The following COL1A2 variants were observed in gnomAD, a reference collection of about 807,000 sequenced individuals.
COL1A2 encodes collagen type I alpha 2 chain, also known as collagen alpha-2(I) chain.
In COL1A2, 49 loss-of-function variants were observed where a neutral mutation model predicts 174.3. The observed-to-expected ratio is 0.28, with a 90% CI of 0.22 to 0.36. COL1A2 has a LOEUF of 0.36. Ranked by LOEUF, COL1A2 falls within the 10% of genes least tolerant of loss-of-function variation. COL1A2 has a pLI of 1.00. For missense variants in COL1A2, 1,438 were observed against 1,822.7 expected (o/e 0.79, Z 3.84); for synonymous variants, 655 against 606.6 (o/e 1.08, Z -1.17).
chr7:94,401,538 T>C (rs576552691), intron 5 of COL1A2, 29 bp from the exon 6 acceptor site: 85 of 1,079,160 alleles, frequency 7.9e-5, no homozygotes, highest in Non-Finnish European at 9.9e-5. Flanking sequence ...TTTATATATA[T>C]ATATAATTTT....
At chr7:94,403,190 C>T (rs1431110865) in intron 6 of COL1A2, among the ~76,000 whole-genome samples, 1 of 152,112 alleles carries the variant, frequency 6.6e-6, no homozygotes, top group Admixed American at 6.5e-5. Flanking sequence ...TTCAGATACC[C>T]CTGTTTTCGG....
intron 38 of COL1A2, chr7:94,421,279 G>A: frequency 1.6e-6 from 1 of 616,838 alleles, no homozygotes; most frequent in Admixed American, 2.8e-5. Flanking sequence ...AATAACCAAG[G>A]TGGGCCCTAG....
At chr7:94,417,924 T>C (rs1792075944) in intron 32 of COL1A2, 93 bp downstream of exon 32, 2 of 1,006,556 alleles carry the variant, frequency 2.0e-6, no homozygotes, top group Non-Finnish European at 3.1e-6. Context: ...TGGCAGGTGG[T>C]CTGGTAGCAT....
chr7:94,407,826 A>T (rs1791833866), intron 12 of COL1A2, 21 bp from the exon 13 acceptor site: 1 of 1,612,782 alleles, frequency 6.2e-7, no homozygotes, highest in Non-Finnish European at 8.5e-7. Flanking sequence ...ATGAACAAAA[A>T]CTCAATCCTT....
Position 94,413,117 on chromosome 7 carries a change from C to G in COL1A2, c.1538C>G (p.Ala513Gly), listed in dbSNP as rs1791962031. The G allele has an allele frequency of 6.2e-7, 1 of 1,614,154 alleles. No homozygotes were observed. Residue 513 changes from alanine to glycine, a missense_variant, in exon 26 of 52, where the codon GCT (alanine) becomes GGT (glycine). This residue lies in a region of COL1A2 where 867 missense variants were observed against 1,213.7 expected (regional missense o/e 0.71). Coordinates refer to ENST00000297268, the MANE Select transcript of COL1A2 (RefSeq NM_000089.4). ...GGCAAAAACGGTGATAAAGGTCATG[C>G]TGGTCTTGCTGGTGCTCGGGTAGGT... ...DPGKNGDKGH[A>G]GLAGARGAPG...
chr7:94,422,523 G>T (rs1213832887), intron 39 of COL1A2: 13 of 174,370 alleles, frequency 7.5e-5, no homozygotes, highest in Middle Eastern at 3.0e-3. Flanking sequence ...TAGTTGAGAA[G>T]TGTGTGGGAT....
At chr7:94,414,720 T>C (rs1394642980) in intron 29 of COL1A2, among the ~76,000 whole-genome samples, 1 of 152,170 alleles carries the variant, frequency 6.6e-6, no homozygotes, top group Non-Finnish European at 1.5e-5. Flanking sequence ...TTCTCTCTAA[T>C]TGTGATGAAT....
rs749567617 is a variant in COL1A2, at chr7:94,420,648, T to A, written c.2295T>A (p.Ala765=). 2 of 1,588,694 alleles carry A rather than the reference T, an allele frequency of 1.3e-6. No homozygotes were observed. The highest frequency in any genetic ancestry group is 2.3e-5 in the South Asian group (2 of 87,736). ...PTGPVGAAGP[A]GPNGPPGPAG... ...GCCCCGTTGGAGCTGCTGGCCCAGCTGTAAGTTGAATTCACTGGTGGTCCA... is the reference window on the plus strand; with the variant it reads ...GCCCCGTTGGAGCTGCTGGCCCAGCAGTAAGTTGAATTCACTGGTGGTCCA... Residue 765 remains alanine, a splice_region_variant and synonymous_variant, in exon 37 of 52, where the codon GCT becomes GCA. Coordinates refer to ENST00000297268, the MANE Select transcript of COL1A2 (RefSeq NM_000089.4).
chr7:94,412,833 A>G (rs1562902358), intron 25 of COL1A2, 151 bp downstream of exon 25: 3 of 791,426 alleles, frequency 3.8e-6, no homozygotes, highest in Non-Finnish European at 6.5e-6. Flanking sequence ...TTAAAAGTTT[A>G]CCTCTAGTGT....
chr7:94,417,731 C>T lies in COL1A2; in HGVS notation c.1871C>T (p.Pro624Leu). 6.3e-7 allele frequency: 1 copy of T among 1,592,122 alleles called. No homozygotes were observed. Among genetic ancestry groups the T allele is most frequent in the South Asian group, 1.1e-5 (1 of 87,144 alleles). The part of the protein sequence containing the change: ...PPGPDGNKGE[P>L]GVVGAVGTAG... Reference sequence around the variant, plus strand: ...ACATGTGTTTGACTCAAGGGTGAACCTGGTGTGGTTGGTGCTGTGGGCACT... The same window carrying T: ...ACATGTGTTTGACTCAAGGGTGAACTTGGTGTGGTTGGTGCTGTGGGCACT... Residue 624 changes from proline (P) to leucine (L), a missense_variant, in exon 32 of 52, where the codon CCT becomes CTT. By Grantham distance (98) the Pro-to-Leu change is moderately conservative. Around this residue, in one of 3 missense-constraint regions of COL1A2, gnomAD observed 867 missense variants for 1,213.7 expected, o/e 0.71. Transcript: ENST00000297268.
chr7:94,405,150 C>T (rs1694035359), intron 9 of COL1A2, 49 bp from the exon 10 acceptor site: 1 of 1,594,282 alleles, frequency 6.3e-7, no homozygotes, highest in South Asian at 1.1e-5. Flanking sequence ...CCCATTTTGT[C>T]TGATAGTTTA....
rs72659319 is a variant in COL1A2 at position 94,426,459 on chromosome 7, G to A, written c.3034G>A (p.Gly1012Ser). The change falls in exon 46 of 52, where the codon GGT becomes AGT. Residue 1012 changes from glycine (G) to serine (S), a missense_variant. By Grantham distance (56) the Gly-to-Ser change is moderately conservative (BLOSUM62 0). Around this residue, in one of 3 missense-constraint regions of COL1A2, gnomAD observed 867 missense variants for 1,213.7 expected, o/e 0.71. Transcript: ENST00000297268. Reference protein sequence around the residue: ...QGIRGDKGEPGEKGPRGLPGL... With the variant: ...QGIRGDKGEPSEKGPRGLPGL... ...CATTCGTGGCGATAAGGGAGAGCCCGGTGAAAAGGGGCCCAGAGGTCTTCC... is the reference window on the plus strand; with the variant it reads ...CATTCGTGGCGATAAGGGAGAGCCCAGTGAAAAGGGGCCCAGAGGTCTTCC... 6.2e-7 allele frequency: 1 copy of A among 1,606,436 alleles called. No homozygotes were observed. Among genetic ancestry groups the A allele is most frequent in the Non-Finnish European group, 8.5e-7 (1 of 1,176,874 alleles).
chr7:94,425,800 A>C lies in COL1A2; in HGVS notation c.2886A>C (p.Ala962=). ...TTGGTCCCGTTGGTGCTGCAGGTGC[A>C]CCTGGTCCTCATGGCCCCGTGGGTC... The part of the protein sequence containing the change: ...GNIGPVGAAG[A]PGPHGPVGPA... Residue 962 remains alanine, a synonymous_variant, in exon 44 of 52, where the codon GCA becomes GCC. Coordinates refer to ENST00000297268, the MANE Select transcript of COL1A2 (RefSeq NM_000089.4). 6.2e-7 allele frequency: 1 copy of C among 1,613,018 alleles called. No homozygotes were observed. Among genetic ancestry groups the C allele is most frequent in the Non-Finnish European group, 8.5e-7 (1 of 1,179,548 alleles).
intron 9 of COL1A2, 115 bp from the exon 10 acceptor site, chr7:94,405,084 C>T (rs1791767841): frequency 5.2e-6 from 6 of 1,155,426 alleles, no homozygotes; most frequent in Non-Finnish European, 7.7e-6. Flanking sequence ...AAATATATAT[C>T]TGGATCCATA....
Position 94,416,465 on chromosome 7 carries a change from C to A in COL1A2, c.1825C>A (p.Arg609=), listed in dbSNP as rs765398195. 3.2e-5 allele frequency: 51 copies of A among 1,584,818 alleles called. No homozygotes were observed. Among genetic ancestry groups the A allele is most frequent in the Middle Eastern group, 1.7e-4 (1 of 6,024 alleles). Residue 609 remains arginine (R), a synonymous_variant, in exon 31 of 52, where the codon CGA becomes AGA. Coordinates refer to ENST00000297268, the MANE Select transcript of COL1A2 (RefSeq NM_000089.4). ...CGGTCCTACTGGTCCTATTGGAAGC[C>A]GAGGTCCTTCTGGACCCCCAGGGCC... The part of the protein sequence containing the change: ...AAGPTGPIGS[R]GPSGPPGPDG...
intron 16 of COL1A2, among the ~76,000 whole-genome samples, chr7:94,409,067 T>C (rs1791862959): frequency 6.6e-6 from 1 of 152,088 alleles, no homozygotes; most frequent in Non-Finnish European, 1.5e-5. Context: ...TAGGACTAGT[T>C]AGTTAGGACT....
chr7:94,404,918 C>A, intron 9 of COL1A2, 26 bp downstream of exon 9: 1 of 1,612,850 alleles, frequency 6.2e-7, no homozygotes, highest in Non-Finnish European at 8.5e-7. Context: ...TAAGCACTTT[C>A]AAAATGCTAT....
At chr7:94,428,772 T>C (rs1369590576) in intron 50 of COL1A2, among the ~76,000 whole-genome samples, 4 of 152,218 alleles carry the variant, frequency 2.6e-5, no homozygotes, top group Admixed American at 6.5e-5. Flanking sequence ...CTCATACATA[T>C]GCATTTTCAG....
In COL1A2 at chr7:94,430,515, A is replaced by G. The variant is rs895523364; in HGVS notation, c.*122A>G. 10 of 1,030,844 alleles carry G rather than the reference A, an allele frequency of 9.7e-6. No individual in the cohort carries two copies. The highest frequency in any genetic ancestry group is 3.2e-5 in the African/African-American group (2 of 62,160). The allele number at this position is 1,030,844 out of a possible 1,614,324, so 63.9% of individuals were successfully genotyped here. ...ATTTCTTCTGCACATCTACTTGCTT[A>G]AATTGTGGGCAAAAGAGAAAAAGAA... On this transcript the variant is annotated 3_prime_UTR_variant, in exon 52 of 52. Coordinates refer to ENST00000297268, the MANE Select transcript of COL1A2 (RefSeq NM_000089.4).
Sources: allele counts gnomAD v4.1 joint callset (sites outside exome capture counted in the v4.1 genomes callset), GRCh38; gene constraint gnomAD v4.1.1; regional missense constraint gnomAD v4.1.1; transcripts MANE v1.5; gene names NCBI Gene and HGNC (gene_info 2026-07-23, HGNC 2026-07-21).